GLIS1: variants seen among roughly 807,000 people sequenced by gnomAD.
GLIS1 encodes zinc finger protein GLIS1.
In GLIS1, 24 loss-of-function variants were observed where a neutral mutation model predicts 63.8. The ratio of observed to expected loss-of-function variants is 0.38; its 90% CI spans 0.27 to 0.53. The LOEUF is 0.53. GLIS1 is among the 20% of genes least tolerant of loss of function. The pLI is 0.85. For missense variants in GLIS1, 1,036 were observed against 1,074.1 expected, an observed-to-expected ratio of 0.96 and a Z score of 0.50; for synonymous variants, 450 against 482.5, an observed-to-expected ratio of 0.93 and a Z score of 0.88.
Position 53,578,415 on chromosome 1 carries a change from G to T in GLIS1, c.1320+15693C>A, listed in dbSNP as rs78606409. Among the ~76,000 whole-genome samples the T allele has an allele frequency of 7.7e-3, 1,171 of 152,252 alleles. 21 individuals are homozygous for T. The highest frequency in any genetic ancestry group is 0.027 in the African/African-American group (1,136 of 41,560). On this transcript the variant is annotated intron_variant, in intron 4 of 10. Transcript: ENST00000628545. ...TAGCATAGTTATTTGTGAAAATAAG[G>T]TCTATTGTTTTGTTCAGGGTCTCTG...
chr1:53,584,701 G>A (rs1645118001), intron 4 of GLIS1, among the ~76,000 whole-genome samples: 2 of 152,156 alleles, frequency 1.3e-5, no homozygotes, highest in South Asian at 4.1e-4. Flanking sequence ...CTAAAGAAGG[G>A]CCTCTTCTCC....
rs565605119 is a variant in GLIS1 at position 53,724,878 on chromosome 1, T to C, written c.259+12928A>G. Among the ~76,000 whole-genome samples the C allele has an allele frequency of 6.4e-4, 98 of 152,038 alleles. 5 individuals carry two copies. The highest frequency in any genetic ancestry group is 3.3e-4 in the Admixed American group (5 of 15,260). Reference sequence around the variant, plus strand: ...TGATTGGTCCAGTACCTAACAATGCTCAATTGATCACTGTAGGATAATGAA... The same window carrying C: ...TGATTGGTCCAGTACCTAACAATGCCCAATTGATCACTGTAGGATAATGAA... On this transcript the variant is annotated intron_variant, in intron 2 of 10. Coordinates refer to ENST00000628545, the MANE Select transcript of GLIS1 (RefSeq NM_001367484.1).
intron 6 of GLIS1, among the ~76,000 whole-genome samples, chr1:53,521,316 A>T (rs939339802): frequency 2.6e-5 from 4 of 152,108 alleles, no homozygotes; most frequent in Non-Finnish European, 4.4e-5. Context: ...AATAAAGCGC[A>T]ATAGGTGTGC....
rs569668358 is a variant in GLIS1, at chr1:53,611,524, TG to T, written c.260-11247del. Among the ~76,000 whole-genome samples, 205 of 152,366 alleles carry T rather than the reference TG, an allele frequency of 1.3e-3. 1 individual carries two copies. The highest frequency in any genetic ancestry group is 2.3e-3 in the Non-Finnish European group (154 of 68,032). On this transcript the variant is annotated intron_variant, in intron 2 of 10. Transcript: ENST00000628545. ...ATTTTTGACAGAATGCTCAATATTG[TG>T]TATGAAATTTGGACAGATGATATCT...
intron 2 of GLIS1, among the ~76,000 whole-genome samples, chr1:53,602,830 A>G (rs192733848): frequency 1.3e-5 from 2 of 152,262 alleles, no homozygotes; most frequent in South Asian, 2.1e-4. Flanking sequence ...AGACCCCTAA[A>G]TAAGTGTCCC....
intron 4 of GLIS1, among the ~76,000 whole-genome samples, chr1:53,531,229 G>T (rs528458852): frequency 6.6e-6 from 1 of 152,300 alleles, no homozygotes; most frequent in African/African-American, 2.4e-5. Flanking sequence ...CATGTCCAGG[G>T]CTGAACAGCC....
At chr1:53,685,558 G>A (rs987569320) in intron 2 of GLIS1, among the ~76,000 whole-genome samples, 3 of 152,176 alleles carry the variant, frequency 2.0e-5, no homozygotes, top group South Asian at 2.1e-4. Flanking sequence ...CTGACTCTCC[G>A]AAGCCAAAAT....
intron 2 of GLIS1, among the ~76,000 whole-genome samples, chr1:53,692,900 T>G (rs943481858): frequency 4.6e-5 from 7 of 152,214 alleles, no homozygotes; most frequent in African/African-American, 1.7e-4. Flanking sequence ...CACTCAATCT[T>G]CACTGGCTGG....
At chr1:53,739,162 AGCAGCCCCC>A (rs1557550182) in exon 1 of GLIS1, among the ~76,000 whole-genome samples, 5 of 106,766 alleles carry the variant, frequency 4.7e-5, no homozygotes, top group East Asian at 1.5e-3. Flanking sequence ...CCACTGGCGC[AGCAGCCCCC>A]GCAGCCGCCG....
At chr1:53,687,729 C>G (rs1416721896) in intron 2 of GLIS1, among the ~76,000 whole-genome samples, 2 of 152,220 alleles carry the variant, frequency 1.3e-5, no homozygotes, top group Non-Finnish European at 2.9e-5. Context: ...AAGGGACGGA[C>G]AGTGGGCAGG....
intron 4 of GLIS1, among the ~76,000 whole-genome samples, chr1:53,582,930 G>C (rs187801366): frequency 6.6e-6 from 1 of 152,116 alleles, no homozygotes; most frequent in Admixed American, 6.5e-5. Flanking sequence ...GGGATCTTAC[G>C]GAAGTATCTG....
chr1:53,529,021 C>T (rs1269187850), intron 5 of GLIS1, among the ~76,000 whole-genome samples: 3 of 152,188 alleles, frequency 2.0e-5, no homozygotes, highest in Non-Finnish European at 4.4e-5. Flanking sequence ...CAGGCACTGG[C>T]CTCAGGTGTC....
chr1:53,718,070 G>A lies in GLIS1; in HGVS notation c.259+19736C>T, dbSNP rs148976448. Among the ~76,000 whole-genome samples the A allele has an allele frequency of 9.8e-5, 15 of 152,286 alleles. No individual in the cohort carries two copies. The East Asian group carries it at 2.7e-3, about 27-fold the overall frequency. On this transcript the variant is annotated intron_variant, in intron 2 of 10. Transcript: ENST00000628545. ...TGCAAGCTGTGCACCGGGGCCCAGC[G>A]GCATTTTCACTGGACAGCCCTGTGG...
intron 2 of GLIS1, among the ~76,000 whole-genome samples, chr1:53,697,714 C>T (rs143073142): frequency 2.0e-5 from 3 of 152,370 alleles, no homozygotes; most frequent in African/African-American, 7.2e-5. Context: ...TCGGTGCGGA[C>T]ACTGTCCTAA....
At chr1:53,658,862 T>C (rs1196707564) in intron 2 of GLIS1, among the ~76,000 whole-genome samples, 1 of 151,366 alleles carries the variant, frequency 6.6e-6, no homozygotes, top group Non-Finnish European at 1.5e-5. Flanking sequence ...CCACCCAGAG[T>C]AGGCACAAAG....
At chr1:53,565,485 T>C (rs1217749509) in intron 4 of GLIS1, among the ~76,000 whole-genome samples, 2 of 151,920 alleles carry the variant, frequency 1.3e-5, no homozygotes, top group Admixed American at 1.3e-4. Context: ...ATGAAATAAT[T>C]TTTTTTAAAA....
At chr1:53,711,276 A>T (rs1646644046) in intron 2 of GLIS1, among the ~76,000 whole-genome samples, 1 of 152,206 alleles carries the variant, frequency 6.6e-6, no homozygotes, top group South Asian at 2.1e-4. Context: ...TGATCTTCCC[A>T]GAGCCCAGGC....
At chr1:53,705,052 G>A (rs765256741) in intron 2 of GLIS1, among the ~76,000 whole-genome samples, 1 of 152,186 alleles carries the variant, frequency 6.6e-6, no homozygotes, top group African/African-American at 2.4e-5. Context: ...ACAGCATTGC[G>A]CCAAAGAGTG....
At chr1:53,617,857 G>A (rs1321761023) in intron 2 of GLIS1, among the ~76,000 whole-genome samples, 2 of 152,190 alleles carry the variant, frequency 1.3e-5, no homozygotes, top group Non-Finnish European at 2.9e-5. Flanking sequence ...TCTTCAGGTA[G>A]GGAAAGCAAG....
Sources: allele counts gnomAD v4.1 joint callset (sites outside exome capture counted in the v4.1 genomes callset), GRCh38; gene constraint gnomAD v4.1.1; transcripts MANE v1.5; gene names NCBI Gene and HGNC (gene_info 2026-07-23, HGNC 2026-07-21).